The following ZSCAN25 variants were observed in gnomAD, a reference collection of about 807,000 sequenced individuals.
ZSCAN25 encodes the protein zinc finger and SCAN domain containing 25.
In ZSCAN25, 27 loss-of-function variants were observed where a neutral mutation model predicts 38.7. The observed-to-expected ratio is 0.70, with a 90% CI of 0.51 to 0.96. The LOEUF (loss-of-function observed/expected upper bound fraction) is 0.96. Ranked by LOEUF, ZSCAN25 falls within the 40% of genes least tolerant of loss-of-function variation. ZSCAN25 has a pLI of 0.00. For synonymous variants in ZSCAN25, 273 were observed against 277.7 expected, an observed-to-expected ratio of 0.98 and a Z score of 0.17; for missense variants, 637 against 705.9, an observed-to-expected ratio of 0.90 and a Z score of 1.11.
At chr7:99,692,301 G>T in the ZSCAN25 span, among the ~76,000 whole-genome samples, 5 of 152,088 alleles carry the variant, frequency 3.3e-5, no homozygotes, top group South Asian at 2.1e-4. Context: ...TGGGGAAGCC[G>T]ACCTTTCTCT....
chr7:99,659,260 G>C, the ZSCAN25 span: 1 of 152,274 alleles, frequency 6.6e-6, no homozygotes, highest in Non-Finnish European at 1.5e-5. Context: ...TTTTGGTGTG[G>C]ATGTCCTTTC....
At chr7:99,692,263 T>C in the ZSCAN25 span, among the ~76,000 whole-genome samples, 1 of 152,246 alleles carries the variant, frequency 6.6e-6, no homozygotes, top group South Asian at 2.1e-4. Flanking sequence ...CTGAGAGATC[T>C]GCTGTTAGTC....
At chr7:99,730,555 A>G in the ZSCAN25 span, 1 of 155,712 alleles carries the variant, frequency 6.4e-6, no homozygotes, top group Non-Finnish European at 1.4e-5. Context: ...AGCAGGTGCA[A>G]ATGACCCAAT....
At position 99,630,425 on chromosome 7, in the gene ZSCAN25, CCT is replaced by C. The variant is rs552542212; in HGVS notation, c.*410_*411del. The C allele has an allele frequency of 1.1e-5, 11 of 1,013,014 alleles. No individual in the cohort carries two copies. Among genetic ancestry groups the C allele is most frequent in the East Asian group, 9.9e-5 (1 of 10,114 alleles). 62.8% of individuals were successfully genotyped at this position (1,013,014 alleles called of 1,614,324 possible). ...CATAGCTCAGACTCTTCCCCCACCC[CCT>C]CTCTTTTCCATTGAACAAACATTTA... On this transcript the variant is annotated 3_prime_UTR_variant, in exon 8 of 8. Transcript: ENST00000394152.
At chr7:99,638,617 T>G in the ZSCAN25 span, 1 of 1,584,996 alleles carries the variant, frequency 6.3e-7, no homozygotes, top group Admixed American at 1.7e-5. Flanking sequence ...AGTCACTGTC[T>G]CCACGTTGAA....
chr7:99,624,220 T>G lies in ZSCAN25; in HGVS notation c.805+40T>G, dbSNP rs565161462. The G allele has an allele frequency of 1.9e-6, 3 of 1,611,994 alleles. No individual in the cohort carries two copies. The African/African-American group carries it at 4.0e-5, about 22-fold the overall frequency. On this transcript the variant is annotated intron_variant, in intron 7 of 7. Transcript: ENST00000394152. Reference sequence around the variant, plus strand: ...ACCCACAGGTGAGGAACTGGGGAGTTCTGAAAGCTCAGGTCAGGGGTCCTG... The same window carrying G: ...ACCCACAGGTGAGGAACTGGGGAGTGCTGAAAGCTCAGGTCAGGGGTCCTG...
At chr7:99,647,649 A>AT in the ZSCAN25 span, 16 of 985,362 alleles carry the variant, frequency 1.6e-5, no homozygotes, top group Non-Finnish European at 1.9e-5. Flanking sequence ...AGAAGGCAGA[A>AT]TGAAACTATG....
the ZSCAN25 span, chr7:99,715,800 G>C: frequency 6.2e-7 from 1 of 1,613,876 alleles, no homozygotes; most frequent in Non-Finnish European, 8.5e-7. Context: ...AATCTTAAAA[G>C]CTTCTTGGTG....
At chr7:99,706,738 G>T in the ZSCAN25 span, among the ~76,000 whole-genome samples, 21 of 152,318 alleles carry the variant, frequency 1.4e-4, no homozygotes, top group Non-Finnish European at 1.3e-4. Flanking sequence ...GCAAATACAT[G>T]AATGTCATTT....
At chr7:99,711,112 G>A in the ZSCAN25 span, among the ~76,000 whole-genome samples, 11 of 152,232 alleles carry the variant, frequency 7.2e-5, no homozygotes, top group South Asian at 1.9e-3. Flanking sequence ...CTTCAAGAAC[G>A]TAGACCATCC....
chr7:99,718,687 A>C, the ZSCAN25 span, among the ~76,000 whole-genome samples: 7 of 152,350 alleles, frequency 4.6e-5, no homozygotes, highest in East Asian at 1.3e-3. Flanking sequence ...ATTAAAAGGC[A>C]TACAGATTGG....
chr7:99,641,686 GC>G, the ZSCAN25 span, among the ~76,000 whole-genome samples: 636 of 152,122 alleles, frequency 4.2e-3, 8 homozygotes, highest in Non-Finnish European at 4.2e-3. Flanking sequence ...ACCCTCTAAT[GC>G]CCCAGTTGCT....
At chr7:99,638,386 C>T in the ZSCAN25 span, 10 of 1,596,192 alleles carry the variant, frequency 6.3e-6, no homozygotes, top group Middle Eastern at 1.7e-4. Flanking sequence ...TTCATGGCAT[C>T]GGGCAGGTCC....
the ZSCAN25 span, among the ~76,000 whole-genome samples, chr7:99,643,782 A>C: frequency 1.3e-5 from 2 of 151,164 alleles, no homozygotes; most frequent in Non-Finnish European, 3.0e-5. Context: ...CCCCCCTCTC[A>C]GCCCCACATC....
At chr7:99,639,000 C>A in the ZSCAN25 span, among the ~76,000 whole-genome samples, 5 of 152,236 alleles carry the variant, frequency 3.3e-5, no homozygotes, top group African/African-American at 4.8e-5. Context: ...TGGGAGCCGC[C>A]GTCCTGCTGA....
At chr7:99,660,214 C>CTTTT in the ZSCAN25 span, 665 of 429,860 alleles carry the variant, frequency 1.5e-3, 60 homozygotes, top group East Asian at 0.018. Context: ...CGCCACACTC[C>CTTTT]TTTTTTTTTT....
the ZSCAN25 span, chr7:99,638,340 C>T: frequency 1.9e-6 from 3 of 1,604,390 alleles, no homozygotes; most frequent in Admixed American, 5.0e-5. Flanking sequence ...GTCCTGAATC[C>T]AGGTCAGGCC....
At chr7:99,664,189 G>A in the ZSCAN25 span, 1 of 1,060,074 alleles carries the variant, frequency 9.4e-7, no homozygotes. Context: ...ATAAGAATAA[G>A]AACATCATGA....
At chr7:99,699,731 C>T in the ZSCAN25 span, among the ~76,000 whole-genome samples, 39 of 152,344 alleles carry the variant, frequency 2.6e-4, no homozygotes, top group African/African-American at 9.1e-4. Flanking sequence ...CTAACAAATG[C>T]TGTCCCCAAA....
Sources: gnomAD v4.1 joint callset for allele counts (sites outside exome capture counted in the v4.1 genomes callset) on GRCh38, gnomAD v4.1.1 for gene constraint, MANE v1.5 for transcripts, NCBI Gene and HGNC (gene_info 2026-07-23, HGNC 2026-07-21) for gene names.